The following CFAP299 variants were observed in gnomAD, a reference collection of about 807,000 sequenced individuals.
CFAP299 encodes the protein cilia and flagella associated protein 299.
A neutral mutation model predicts 27.0 loss-of-function variants in CFAP299; 21 were observed. The ratio of observed to expected loss-of-function variants is 0.78; its 90% CI spans 0.55 to 1.12. CFAP299 has a LOEUF of 1.12. CFAP299 is among the 50% of genes most tolerant of loss of function. The pLI is 0.00. For missense variants in CFAP299, 310 were observed against 276.6 expected (o/e 1.12, Z -0.86); for synonymous variants, 104 against 98.1 (o/e 1.06, Z -0.36).
At chr4:80,344,539 A>G (rs943643727) in intron 1 of CFAP299, among the ~76,000 whole-genome samples, 6 of 152,148 alleles carry the variant, frequency 3.9e-5, no homozygotes, top group African/African-American at 1.4e-4. Flanking sequence ...CCAAGACCAG[A>G]TGTATTTACA....
chr4:80,784,267 G>A (rs1330617517), intron 3 of CFAP299, among the ~76,000 whole-genome samples: 1 of 152,104 alleles, frequency 6.6e-6, no homozygotes, highest in Non-Finnish European at 1.5e-5. Flanking sequence ...GGGTCATACA[G>A]TAGTTCCATT....
At chr4:80,912,756 A>G (rs1735543631) in intron 4 of CFAP299, among the ~76,000 whole-genome samples, 1 of 152,182 alleles carries the variant, frequency 6.6e-6, no homozygotes, top group South Asian at 2.1e-4. Context: ...ACATGATCCC[A>G]TAAAAGAAAT....
chr4:80,525,394 C>G (rs1733120558), intron 2 of CFAP299, among the ~76,000 whole-genome samples: 1 of 152,094 alleles, frequency 6.6e-6, no homozygotes, highest in Admixed American at 6.5e-5. Flanking sequence ...GTTACCTCCT[C>G]AACCTTTATT....
intron 1 of CFAP299, among the ~76,000 whole-genome samples, chr4:80,361,067 C>T (rs569770223): frequency 8.5e-4 from 129 of 152,262 alleles, no homozygotes; most frequent in African/African-American, 2.9e-3. Context: ...GCAAGAAATA[C>T]GTTGTCATAA....
chr4:80,805,407 C>G (rs754869391), intron 3 of CFAP299, among the ~76,000 whole-genome samples: 1 of 152,036 alleles, frequency 6.6e-6, no homozygotes, highest in Non-Finnish European at 1.5e-5. Flanking sequence ...AATGCTTTAT[C>G]AAAGCAGGAA....
intron 5 of CFAP299, among the ~76,000 whole-genome samples, chr4:80,957,168 C>A (rs1424477988): frequency 1.3e-5 from 2 of 152,146 alleles, no homozygotes; most frequent in African/African-American, 4.8e-5. Flanking sequence ...TAACTTTTTA[C>A]TGTTGGACTT....
At chr4:80,510,155 T>C (rs1732225209) in intron 2 of CFAP299, among the ~76,000 whole-genome samples, 1 of 152,164 alleles carries the variant, frequency 6.6e-6, no homozygotes, top group Admixed American at 6.6e-5. Flanking sequence ...TAGGATTTGT[T>C]CTTTCCTCCT....
chr4:80,840,294 G>A (rs554957783), intron 3 of CFAP299, among the ~76,000 whole-genome samples: 7 of 152,058 alleles, frequency 4.6e-5, no homozygotes, highest in Non-Finnish European at 1.0e-4. Context: ...TCTATCAAAA[G>A]TGTTTACCAT....
At chr4:80,880,758 T>G (rs149371755) in intron 4 of CFAP299, among the ~76,000 whole-genome samples, 3 of 151,094 alleles carry the variant, frequency 2.0e-5, no homozygotes, top group African/African-American at 4.9e-5. Flanking sequence ...AAAATAAAAT[T>G]AAATTAAATT....
At chr4:80,951,472 C>A (rs1737774411) in intron 5 of CFAP299, among the ~76,000 whole-genome samples, 1 of 152,176 alleles carries the variant, frequency 6.6e-6, no homozygotes, top group African/African-American at 2.4e-5. Flanking sequence ...TAACAGTGAG[C>A]TACTTTGGCA....
At chr4:80,556,696 A>G (rs2110215877) in intron 2 of CFAP299, among the ~76,000 whole-genome samples, 1 of 152,166 alleles carries the variant, frequency 6.6e-6, no homozygotes, top group South Asian at 2.1e-4. Context: ...AAAGTCTGTC[A>G]GATTTCAAAG....
chr4:80,349,837 T>C (rs1408935435), intron 1 of CFAP299, among the ~76,000 whole-genome samples: 2 of 152,194 alleles, frequency 1.3e-5, no homozygotes, highest in Non-Finnish European at 2.9e-5. Flanking sequence ...TAAAAATGGT[T>C]GCTACTACTA....
chr4:80,877,493 C>G (rs969399853), intron 4 of CFAP299, among the ~76,000 whole-genome samples: 4 of 152,172 alleles, frequency 2.6e-5, no homozygotes, highest in African/African-American at 9.7e-5. Context: ...AATCCCAGAG[C>G]AATCACTTGG....
chr4:80,545,893 G>C (rs1234487862), intron 2 of CFAP299, among the ~76,000 whole-genome samples: 1 of 152,128 alleles, frequency 6.6e-6, no homozygotes, highest in East Asian at 1.9e-4. Flanking sequence ...ACATCATAAA[G>C]CTAATCTACC....
At chr4:80,500,785 A>G (rs1253292425) in intron 2 of CFAP299, among the ~76,000 whole-genome samples, 1 of 152,080 alleles carries the variant, frequency 6.6e-6, no homozygotes, top group African/African-American at 2.4e-5. Flanking sequence ...AACCCACAAT[A>G]TTGGTACAGA....
chr4:80,861,489 C>T (rs1578193288), intron 3 of CFAP299, among the ~76,000 whole-genome samples: 1 of 152,196 alleles, frequency 6.6e-6, no homozygotes, highest in East Asian at 1.9e-4. Flanking sequence ...GCAGAAATCA[C>T]CCGTCTTCTG....
chr4:80,384,854 T>A (rs190833405), intron 2 of CFAP299, among the ~76,000 whole-genome samples: 2 of 152,172 alleles, frequency 1.3e-5, no homozygotes, highest in Admixed American at 1.3e-4. Context: ...GAGTCCCTGC[T>A]AGGTTCTTTT....
intron 3 of CFAP299, chr4:80,790,496 A>G (rs188018068): frequency 6.6e-6 from 1 of 152,062 alleles, no homozygotes; most frequent in East Asian, 1.9e-4. Context: ...CCTTTGAAGG[A>G]CAATTACATC....
chr4:80,777,169 C>T (rs1726594737), intron 3 of CFAP299, among the ~76,000 whole-genome samples: 1 of 152,106 alleles, frequency 6.6e-6, no homozygotes, highest in Non-Finnish European at 1.5e-5. Context: ...CTATTCTGCA[C>T]ATTACTCTTA....
Sources: allele counts gnomAD v4.1 joint callset (sites outside exome capture counted in the v4.1 genomes callset), GRCh38; gene constraint gnomAD v4.1.1; transcripts MANE v1.5; gene names NCBI Gene and HGNC (gene_info 2026-07-23, HGNC 2026-07-21).